Variants in CABCOCO1 observed in about 807,000 individuals in gnomAD.
CABCOCO1 encodes ciliary-associated calcium-binding coiled-coil protein 1.
CABCOCO1 carries 28 observed loss-of-function variants against 35.7 expected under a neutral mutation model. The observed-to-expected ratio is 0.78, with a 90% confidence interval of 0.58 to 1.07. The LOEUF (loss-of-function observed/expected upper bound fraction) is 1.07, where lower values mean the gene tolerates loss of function less well. Among genes scored for constraint, CABCOCO1 ranks in the 50% least tolerant of loss-of-function variants. CABCOCO1 has a pLI of 0.00. For synonymous variants in CABCOCO1, 95 were observed against 100.1 expected, an observed-to-expected ratio of 0.95 and a Z score of 0.30; for missense variants, 326 against 309.2, an observed-to-expected ratio of 1.05 and a Z score of -0.41.
At chr10:61,715,532 T>C (rs1840842282) in intron 5 of CABCOCO1, among the ~76,000 whole-genome samples, 2 of 152,228 alleles carry the variant, frequency 1.3e-5, no homozygotes, top group Admixed American at 1.3e-4. Flanking sequence ...AATATTGTTG[T>C]GTGTGAATTT....
chr10:61,755,151 T>A (rs997779127), intron 5 of CABCOCO1, among the ~76,000 whole-genome samples: 2 of 152,168 alleles, frequency 1.3e-5, no homozygotes, highest in Admixed American at 6.6e-5. Flanking sequence ...GTTTCTCTGA[T>A]AATGTTGGCT....
chr10:61,761,900 G>A (rs755485758), intron 7 of CABCOCO1, among the ~76,000 whole-genome samples: 2 of 152,144 alleles, frequency 1.3e-5, no homozygotes, highest in African/African-American at 2.4e-5. Context: ...CTATTTACAC[G>A]AACATTTAAT....
intron 1 of CABCOCO1, among the ~76,000 whole-genome samples, chr10:61,667,845 T>C (rs1194601191): frequency 6.6e-6 from 1 of 151,960 alleles, no homozygotes; most frequent in Non-Finnish European, 1.5e-5. Flanking sequence ...TTCTGCTATT[T>C]AAGTTACATA....
chr10:61,708,004 A>G (rs770497648), intron 5 of CABCOCO1, among the ~76,000 whole-genome samples: 75 of 152,016 alleles, frequency 4.9e-4, no homozygotes, highest in Non-Finnish European at 9.1e-4. Context: ...ATTGTTGTGC[A>G]GATAAACAAG....
intron 5 of CABCOCO1, among the ~76,000 whole-genome samples, chr10:61,697,808 T>G (rs1335764222): frequency 6.6e-6 from 1 of 152,110 alleles, no homozygotes; most frequent in Non-Finnish European, 1.5e-5. Context: ...TGACTTCATC[T>G]GGGTTTTTAC....
intron 5 of CABCOCO1, among the ~76,000 whole-genome samples, chr10:61,706,984 T>G (rs536859852): frequency 1.2e-4 from 18 of 152,284 alleles, no homozygotes; most frequent in African/African-American, 3.4e-4. Context: ...GTCCTTTTAT[T>G]AAACCCTCCT....
At chr10:61,675,512 A>G (rs1408350805) in intron 2 of CABCOCO1, among the ~76,000 whole-genome samples, 6 of 152,200 alleles carry the variant, frequency 3.9e-5, no homozygotes, top group African/African-American at 1.4e-4. Flanking sequence ...TTTGGCAAGT[A>G]GTTACTGTCA....
At chr10:61,726,392 AAAAT>A (rs1841150509) in intron 5 of CABCOCO1, among the ~76,000 whole-genome samples, 1 of 152,094 alleles carries the variant, frequency 6.6e-6, no homozygotes, top group South Asian at 2.1e-4. Flanking sequence ...CTTATTTATT[AAAAT>A]AAATACATAT....
At chr10:61,680,476 T>G (rs372485416) in intron 2 of CABCOCO1, among the ~76,000 whole-genome samples, 6,766 of 124,676 alleles carry the variant, frequency 0.054, 444 homozygotes, top group East Asian at 0.085. Context: ...TAATATATAT[T>G]TATATATATA....
intron 1 of CABCOCO1, among the ~76,000 whole-genome samples, chr10:61,667,328 T>C (rs190390644): frequency 1.3e-5 from 2 of 151,150 alleles, no homozygotes; most frequent in Admixed American, 1.3e-4. Flanking sequence ...AGTTTGTCCA[T>C]TACTGTGTCA....
chr10:61,717,471 T>C (rs1006768307), intron 5 of CABCOCO1, among the ~76,000 whole-genome samples: 1 of 152,030 alleles, frequency 6.6e-6, no homozygotes, highest in African/African-American at 2.4e-5. Flanking sequence ...AATGACTTAG[T>C]TTTTAAAAAT....
intron 5 of CABCOCO1, among the ~76,000 whole-genome samples, chr10:61,715,883 G>A (rs141085490): frequency 1.3e-5 from 2 of 152,070 alleles, no homozygotes; most frequent in African/African-American, 2.4e-5. Flanking sequence ...GAGATCCACT[G>A]TTAGTCTGAT....
At chr10:61,765,839 A>T in intron 7 of CABCOCO1, 100 bp from the exon 8 acceptor site, 1 of 1,060,624 alleles carries the variant, frequency 9.4e-7, no homozygotes, top group Non-Finnish European at 1.4e-6. Context: ...GTGAGGGATA[A>T]TATCTGTCTT....
chr10:61,688,520 G>A (rs1392592075), intron 4 of CABCOCO1, among the ~76,000 whole-genome samples: 3 of 152,126 alleles, frequency 2.0e-5, no homozygotes, highest in African/African-American at 7.2e-5. Context: ...ATTGTATCAT[G>A]TATACAAATA....
At chr10:61,745,066 A>G (rs1227238881) in intron 5 of CABCOCO1, among the ~76,000 whole-genome samples, 3 of 152,196 alleles carry the variant, frequency 2.0e-5, no homozygotes, top group Non-Finnish European at 2.9e-5. Flanking sequence ...AAAGGACTAC[A>G]TAAATGTCAG....
In CABCOCO1 at chr10:61,672,630, A is replaced by C; in HGVS notation, c.61-2A>C. 7 of 810,474 alleles carry C rather than the reference A, an allele frequency of 8.6e-6. No individual in the cohort carries two copies. The highest frequency in any genetic ancestry group is 1.0e-5 in the Non-Finnish European group (7 of 670,688). 50.2% of individuals were successfully genotyped at this position (810,474 alleles called of 1,614,324 possible). A position where few individuals can be genotyped will look rare whatever the true frequency, so the allele number is the denominator to read the frequency against. On this transcript the variant is annotated splice_acceptor_variant, in intron 1 of 7. Transcript: ENST00000648843. LOFTEE classifies it high-confidence loss of function. ...AACTCACTCCACATTGTGTTTTGGT[A>C]GAGAGACACTGAATTCCAGGAGCAT...
rs1267599436 is a variant in CABCOCO1, at chr10:61,678,897, G to T, written c.165-2246G>T. ...TAGAATAATCAGAACTCACTTTTGGGTTTCAGGTCTACCCTGACACCACTG... is the reference window on the plus strand; with the variant it reads ...TAGAATAATCAGAACTCACTTTTGGTTTTCAGGTCTACCCTGACACCACTG... On this transcript the variant is annotated intron_variant, in intron 2 of 7. Transcript: ENST00000648843. Among the ~76,000 whole-genome samples, 5 of 152,198 alleles carry T rather than the reference G, an allele frequency of 3.3e-5. No homozygotes were observed. In the East Asian group the frequency reaches 9.6e-4, roughly 29 times the overall value.
Position 61,766,121 on chromosome 10 carries a change from AAAACC to A in CABCOCO1, c.*111_*115del. On this transcript the variant is annotated 3_prime_UTR_variant, in exon 8 of 8. Transcript: ENST00000648843. ...GTCTCCATCACTTAGTTGTGAAAGG[AAAACC>A]AAGCCCCACTTTTTATTTTCCTAAG... is the stretch of plus-strand genomic sequence containing the variant. 2 of 1,002,918 alleles carry A rather than the reference AAAACC, an allele frequency of 2.0e-6. No individual in the cohort carries two copies. Among genetic ancestry groups the A allele is most frequent in the Non-Finnish European group, 2.9e-6 (2 of 690,926 alleles). 62.1% of individuals were successfully genotyped at this position (1,002,918 alleles called of 1,614,324 possible). A position where few individuals can be genotyped will look rare whatever the true frequency, so the allele number is the denominator to read the frequency against.
In CABCOCO1 at chr10:61,746,918, T is replaced by C. The variant is rs1259196324; in HGVS notation, c.553-13141T>C. ...TTGTTAGTGTAGCTCAGCTTTATTT[T>C]GCAATTCTCACACCTAAGCTCACAA... On this transcript the variant is annotated intron_variant, in intron 5 of 7. Coordinates refer to ENST00000648843, the MANE Select transcript of CABCOCO1 (RefSeq NM_001366906.2). Among the ~76,000 whole-genome samples the C allele has an allele frequency of 3.3e-5, 5 of 152,176 alleles. No homozygotes were observed. In the East Asian group the frequency reaches 9.6e-4, roughly 29 times the overall value.
Sources: allele counts gnomAD v4.1 joint callset (sites outside exome capture counted in the v4.1 genomes callset), GRCh38; gene constraint gnomAD v4.1.1; transcripts MANE v1.5; gene names NCBI Gene and HGNC (gene_info 2026-07-23, HGNC 2026-07-21).